EIF2AK3: variants seen among roughly 807,000 people sequenced by gnomAD.
The protein encoded by EIF2AK3 is eukaryotic translation initiation factor 2-alpha kinase 3.
A neutral mutation model predicts 113.5 loss-of-function variants in EIF2AK3; 50 were observed. The observed-to-expected ratio is 0.44, with a 90% CI of 0.35 to 0.56. The LOEUF (loss-of-function observed/expected upper bound fraction) is 0.56. EIF2AK3 is among the 20% of genes least tolerant of loss of function. The probability of loss-of-function intolerance (pLI) is 0.00; values close to 1 mark genes in which losing one functional copy is unlikely to be tolerated. For synonymous variants in EIF2AK3, 448 were observed against 495.4 expected (o/e 0.90, Z 1.27); for missense variants, 1,185 against 1,378.0 (o/e 0.86, Z 2.22).
At chr2:88,603,242 T>C (rs1179161027) in intron 2 of EIF2AK3, among the ~76,000 whole-genome samples, 1 of 152,186 alleles carries the variant, frequency 6.6e-6, no homozygotes, top group African/African-American at 2.4e-5. Flanking sequence ...ACTTCACTGT[T>C]TTACAAAATG....
At position 88,575,307 on chromosome 2, in the gene EIF2AK3, T is replaced by A. The variant is rs777932006; in HGVS notation, c.2176A>T (p.Ile726Phe). Residue 726 changes from isoleucine to phenylalanine, a missense_variant, in exon 13 of 17, where the codon ATT (isoleucine) becomes TTT (phenylalanine). By Grantham distance (21) the Ile-to-Phe change is conservative. This residue lies in a region of EIF2AK3 where 877 missense variants were observed against 1,024.2 expected (regional missense o/e 0.86). Transcript: ENST00000303236. ...GATGAACTTGTCTGGTCACAGGAAA[T>A]CCCTACTGAAAAAGACCTGCTTCTT... ...PQRSRSFSVG[I>F]SCDQTSSSES... 20 of 1,614,040 alleles carry A rather than the reference T, an allele frequency of 1.2e-5. No individual in the cohort carries two copies. Among genetic ancestry groups the A allele is most frequent in the Non-Finnish European group, 1.7e-5 (20 of 1,180,020 alleles).
At chr2:88,584,826 C>T (rs949267428) in intron 9 of EIF2AK3, among the ~76,000 whole-genome samples, 4 of 151,982 alleles carry the variant, frequency 2.6e-5, no homozygotes, top group African/African-American at 7.3e-5. Flanking sequence ...AGCGAGAGCA[C>T]GGTCTACAGG....
intron 1 of EIF2AK3, 48 bp downstream of exon 1, chr2:88,626,919 G>C (rs771236737): frequency 5.0e-6 from 8 of 1,599,578 alleles, no homozygotes; most frequent in Middle Eastern, 1.9e-4. Context: ...ATCCTCCGCG[G>C]CTCGCGCGCG....
intron 14 of EIF2AK3, among the ~76,000 whole-genome samples, chr2:88,567,796 G>GC (rs1459821487): frequency 6.6e-6 from 1 of 152,032 alleles, no homozygotes; most frequent in South Asian, 2.1e-4. Flanking sequence ...CTCTGCCACT[G>GC]CCCCCATAGC....
At chr2:88,560,884 T>C (rs770907891) in intron 15 of EIF2AK3, among the ~76,000 whole-genome samples, 2 of 152,102 alleles carry the variant, frequency 1.3e-5, no homozygotes, top group Non-Finnish European at 2.9e-5. Flanking sequence ...CTAAAACTGA[T>C]AAAATAAGAA....
Position 88,595,872 on chromosome 2 carries a change from A to G in EIF2AK3, c.439-209T>C, listed in dbSNP as rs922314343. On this transcript the variant is annotated intron_variant, in intron 2 of 16. Transcript: ENST00000303236. The stretch of plus-strand genomic sequence containing the variant: ...CAAAAGTAATTTAAAAGAACTGCCA[A>G]TCACTCCCAGGCCCTACACATAGTA... 13 of 651,012 alleles carry G rather than the reference A, an allele frequency of 2.0e-5. No individual in the cohort carries two copies. The East Asian group carries it at 3.8e-4, about 19-fold the overall frequency. 40.3% of individuals were successfully genotyped at this position (651,012 alleles called of 1,614,324 possible). A position where few individuals can be genotyped will look rare whatever the true frequency, so the allele number is the denominator to read the frequency against.
At chr2:88,573,192 T>G (rs147314648) in intron 13 of EIF2AK3, among the ~76,000 whole-genome samples, 1 of 152,104 alleles carries the variant, frequency 6.6e-6, no homozygotes. Flanking sequence ...AATAAAACTT[T>G]CTGATTTCTA....
intron 15 of EIF2AK3, among the ~76,000 whole-genome samples, chr2:88,560,774 G>C (rs1673931016): frequency 6.7e-6 from 1 of 148,538 alleles, no homozygotes; most frequent in Non-Finnish European, 1.5e-5. Context: ...TCATTGTACA[G>C]AACATTTGGT....
At chr2:88,620,658 C>A (rs1037937863) in intron 1 of EIF2AK3, among the ~76,000 whole-genome samples, 1 of 152,232 alleles carries the variant, frequency 6.6e-6, no homozygotes, top group Non-Finnish European at 1.5e-5. Flanking sequence ...GCTCACTGTA[C>A]AAACTCCCTG....
rs1450585195 is a variant in EIF2AK3, at chr2:88,595,690, G to C, written c.439-27C>G. The C allele has an allele frequency of 4.4e-6, 7 of 1,588,088 alleles. No individual in the cohort carries two copies. The South Asian group carries it at 7.7e-5, about 18-fold the overall frequency. On this transcript the variant is annotated intron_variant, in intron 2 of 16. Transcript: ENST00000303236. Reference sequence around the variant, plus strand: ...TAAAACAGAAGCTAACTTTTTAAAAGGGCCATAACATTAATTATTATTTTT... The same window carrying C: ...TAAAACAGAAGCTAACTTTTTAAAACGGCCATAACATTAATTATTATTTTT...
At chr2:88,591,394 G>A (rs1227693386) in intron 4 of EIF2AK3, among the ~76,000 whole-genome samples, 1 of 152,132 alleles carries the variant, frequency 6.6e-6, no homozygotes, top group Non-Finnish European at 1.5e-5. Flanking sequence ...TTAAAATGAG[G>A]TAGCACACAG....
In EIF2AK3 at chr2:88,575,429, C is replaced by T; in HGVS notation, c.2054G>A (p.Ser685Asn). Reference protein sequence around the residue: ...LKDESTDWPLSSPSPMDAPSV... With the variant: ...LKDESTDWPLNSPSPMDAPSV... ...TGGTGCATCCATTGGGCTAGGAGAG[C>T]TGAGTGGCCAGTCTGTGCTAAAAGT... Residue 685 changes from serine to asparagine, a missense_variant, in exon 13 of 17, where the codon AGC becomes AAC. Physicochemically the swap from Ser to Asn is conservative, Grantham distance 46. This residue lies in a region of EIF2AK3 where 877 missense variants were observed against 1,024.2 expected (regional missense o/e 0.86). Coordinates refer to ENST00000303236, the MANE Select transcript of EIF2AK3 (RefSeq NM_004836.7). The T allele has an allele frequency of 6.2e-7, 1 of 1,608,544 alleles. No individual in the cohort carries two copies. The highest frequency in any genetic ancestry group is 1.1e-5 in the South Asian group (1 of 91,080).
chr2:88,588,011 C>G lies in EIF2AK3; in HGVS notation c.1400G>C (p.Gly467Ala). 9.5e-6 allele frequency: 15 copies of G among 1,586,584 alleles called. No individual in the cohort carries two copies. Among genetic ancestry groups the G allele is most frequent in the Non-Finnish European group, 1.3e-5 (15 of 1,161,418 alleles). Residue 467 changes from glycine (G) to alanine (A), a missense_variant, in exon 8 of 17, where the codon GGT becomes GCT. Transcript: ENST00000303236. ...DKFSHEEYSN[G>A]ALSILQYPYD... ...TGGATACTGCAAGATTGAAAGTGCA[C>G]CATTACTATATTCTTCATGAGAAAA...
chr2:88,586,255 T>C (rs1486860978), intron 8 of EIF2AK3, among the ~76,000 whole-genome samples, 194 bp from the exon 9 acceptor site: 2 of 152,114 alleles, frequency 1.3e-5, no homozygotes, highest in African/African-American at 4.8e-5. Flanking sequence ...TTTTCCTTTA[T>C]CCTATAAGCA....
At position 88,557,660 on chromosome 2, in the gene EIF2AK3, C is replaced by A. The variant is rs1329363018; in HGVS notation, c.*76G>T. The A allele has an allele frequency of 6.6e-7, 1 of 1,509,652 alleles. No individual in the cohort carries two copies. The highest frequency in any genetic ancestry group is 9.2e-7 in the Non-Finnish European group (1 of 1,085,794). The allele number at this position is 1,509,652 out of a possible 1,614,324, so 93.5% of individuals were successfully genotyped here. A position where few individuals can be genotyped will look rare whatever the true frequency, so the allele number is the denominator to read the frequency against. On this transcript the variant is annotated 3_prime_UTR_variant, in exon 17 of 17. Transcript: ENST00000303236. ...GCGAAGAACAAACTTTTCAAGTCTG[C>A]AATTTTGGACAGGCATATTCTAAGA...
chr2:88,586,188 C>A (rs1674727649), intron 8 of EIF2AK3, 127 bp from the exon 9 acceptor site: 5 of 731,022 alleles, frequency 6.8e-6, no homozygotes, highest in Admixed American at 5.4e-5. Flanking sequence ...TGTCTCTCTT[C>A]TTTAACGTAT....
At chr2:88,581,275 TAA>T (rs1337054479) in intron 10 of EIF2AK3, among the ~76,000 whole-genome samples, 1 of 151,716 alleles carries the variant, frequency 6.6e-6, no homozygotes, top group African/African-American at 2.4e-5. Context: ...TAAACTGACT[TAA>T]GTCTAATTCA....
chr2:88,564,792 A>C (rs1391187418), intron 14 of EIF2AK3, among the ~76,000 whole-genome samples: 1 of 152,194 alleles, frequency 6.6e-6, no homozygotes, highest in Non-Finnish European at 1.5e-5. Flanking sequence ...AGAAAAAAGA[A>C]CCTCAAAGAG....
chr2:88,616,590 C>A (rs1675574080), intron 1 of EIF2AK3, among the ~76,000 whole-genome samples: 1 of 152,006 alleles, frequency 6.6e-6, no homozygotes, highest in African/African-American at 2.4e-5. Context: ...TCACACCCGG[C>A]TAATTTTTAT....
Sources: gnomAD v4.1 joint callset for allele counts (sites outside exome capture counted in the v4.1 genomes callset) on GRCh38, gnomAD v4.1.1 for gene constraint, gnomAD v4.1.1 regional missense constraint, MANE v1.5 for transcripts, NCBI Gene and HGNC (gene_info 2026-07-23, HGNC 2026-07-21) for gene names.